Variants in ABCA5 observed in about 807,000 individuals in gnomAD.
ABCA5 encodes ATP binding cassette subfamily A member 5.
In ABCA5, 163 loss-of-function variants were observed where a neutral mutation model predicts 206.0. The ratio of observed to expected loss-of-function variants is 0.79; its 90% CI spans 0.70 to 0.90. ABCA5 has a LOEUF of 0.90. ABCA5 is among the 40% of genes least tolerant of loss of function. ABCA5 has a pLI of 0.00. For missense variants in ABCA5, 1,859 were observed against 1,912.9 expected, an observed-to-expected ratio of 0.97 and a Z score of 0.53; for synonymous variants, 609 against 613.8, an observed-to-expected ratio of 0.99 and a Z score of 0.11.
In ABCA5 at chr17:69,270,755, A is replaced by G. The variant is rs762044806; in HGVS notation, c.2893-5T>C. 3 of 1,527,416 alleles carry G rather than the reference A, an allele frequency of 2.0e-6. No individual in the cohort carries two copies. Among genetic ancestry groups the G allele is most frequent in the Admixed American group, 2.4e-5 (1 of 42,550 alleles). The allele number at this position is 1,527,416 out of a possible 1,614,324, so 94.6% of individuals were successfully genotyped here. On this transcript the variant is annotated splice_region_variant and splice_polypyrimidine_tract_variant and intron_variant, in intron 21 of 38. Coordinates refer to ENST00000392676, the MANE Select transcript of ABCA5 (RefSeq NM_172232.4). Reference sequence around the variant, plus strand: ...AACAGCTGCAAAAACATAGTCCTACAATTAAAAAAAAGACACTTATTACAT... The same window carrying G: ...AACAGCTGCAAAAACATAGTCCTACGATTAAAAAAAAGACACTTATTACAT...
At chr17:69,311,264 T>C (rs552060091) in intron 3 of ABCA5, among the ~76,000 whole-genome samples, 2 of 152,258 alleles carry the variant, frequency 1.3e-5, no homozygotes, top group South Asian at 4.2e-4. Flanking sequence ...TTAATAGATT[T>C]TCCAGGCCTT....
chr17:69,302,844 T>A lies in ABCA5; in HGVS notation c.993A>T (p.Glu331Asp). ...FKKSKHVGIV[E>D]FFVTVAFGFI... The stretch of plus-strand genomic sequence containing the variant: ...ATCCAAAAGCCACAGTAACAAAAAA[T>A]TCAACTATTCCCACATGTTTTGATT... The change falls in exon 8 of 39, where the codon GAA becomes GAT. Residue 331 changes from glutamate (E) to aspartate (D), a missense_variant. Transcript: ENST00000392676. 1 of 1,591,852 alleles carries A rather than the reference T, an allele frequency of 6.3e-7. No individual in the cohort carries two copies. Among genetic ancestry groups the A allele is most frequent in the South Asian group, 1.2e-5 (1 of 86,174 alleles).
intron 22 of ABCA5, among the ~76,000 whole-genome samples, chr17:69,269,766 A>C (rs986675887): frequency 6.6e-6 from 1 of 152,228 alleles, no homozygotes; most frequent in African/African-American, 2.4e-5. Context: ...ACGTGTTACA[A>C]AACAGATGAA....
At chr17:69,271,746 A>C (rs2075276419) in intron 20 of ABCA5, among the ~76,000 whole-genome samples, 2 of 152,166 alleles carry the variant, frequency 1.3e-5, no homozygotes, top group African/African-American at 4.8e-5. Flanking sequence ...TAAGAATAAA[A>C]ATCTATCTGA....
intron 10 of ABCA5, among the ~76,000 whole-genome samples, chr17:69,295,139 GTATT>G (rs2075572134): frequency 6.6e-6 from 1 of 152,108 alleles, no homozygotes; most frequent in Non-Finnish European, 1.5e-5. Context: ...TTATTATACT[GTATT>G]TATCAATGCC....
chr17:69,322,243 A>C (rs1322112878), intron 1 of ABCA5, among the ~76,000 whole-genome samples: 1 of 151,082 alleles, frequency 6.6e-6, no homozygotes, highest in Non-Finnish European at 1.5e-5. Flanking sequence ...GGTGGCGGGC[A>C]CCTGTAATCC....
At chr17:69,258,883 C>T (rs2075113539) in intron 28 of ABCA5, among the ~76,000 whole-genome samples, 1 of 151,790 alleles carries the variant, frequency 6.6e-6, no homozygotes, top group African/African-American at 2.4e-5. Context: ...GTAAGCAAGG[C>T]TGGATAGAAG....
intron 8 of ABCA5, among the ~76,000 whole-genome samples, chr17:69,302,342 A>G (rs765365821): frequency 1.1e-4 from 16 of 152,154 alleles, no homozygotes; most frequent in Admixed American, 6.6e-4. Flanking sequence ...TCTGCTCCAC[A>G]CACAATTTTC....
intron 17 of ABCA5, among the ~76,000 whole-genome samples, chr17:69,284,536 A>G (rs2075430332): frequency 6.6e-6 from 1 of 152,152 alleles, no homozygotes; most frequent in Non-Finnish European, 1.5e-5. Flanking sequence ...GAAAACATAC[A>G]GTAATCATTT....
At chr17:69,249,884 A>G (rs779353533) in intron 37 of ABCA5, 21 bp downstream of exon 37, 4 of 1,561,516 alleles carry the variant, frequency 2.6e-6, no homozygotes, top group Admixed American at 1.9e-5. Flanking sequence ...TTTATAAGCC[A>G]AAATAGAAGA....
intron 15 of ABCA5, among the ~76,000 whole-genome samples, chr17:69,286,753 G>A (rs1251068697): frequency 1.3e-5 from 2 of 152,170 alleles, no homozygotes; most frequent in Non-Finnish European, 2.9e-5. Flanking sequence ...TACTACTGAA[G>A]ACATGAATGA....
intron 6 of ABCA5, among the ~76,000 whole-genome samples, chr17:69,305,021 T>TA (rs1335727428): frequency 2.6e-5 from 4 of 152,174 alleles, no homozygotes; most frequent in South Asian, 2.1e-4. Flanking sequence ...TGTAATCTGA[T>TA]AAAAAATACT....
At chr17:69,286,425 A>G in intron 15 of ABCA5, 114 bp from the exon 16 acceptor site, 1 of 925,618 alleles carries the variant, frequency 1.1e-6, no homozygotes, top group Non-Finnish European at 1.6e-6. Context: ...ATCATTAATC[A>G]TCACAAAAAG....
At position 69,289,308 on chromosome 17, in the gene ABCA5, A is replaced by C. The variant is rs752113522; in HGVS notation, c.1783-12T>G. 6.6e-7 allele frequency: 1 copy of C among 1,515,504 alleles called. No homozygotes were observed. Among genetic ancestry groups the C allele is most frequent in the Non-Finnish European group, 8.8e-7 (1 of 1,138,148 alleles). 93.9% of individuals were successfully genotyped at this position (1,515,504 alleles called of 1,614,324 possible). A position where few individuals can be genotyped will look rare whatever the true frequency, so the allele number is the denominator to read the frequency against. On this transcript the variant is annotated splice_polypyrimidine_tract_variant and intron_variant, in intron 13 of 38. Coordinates refer to ENST00000392676, the MANE Select transcript of ABCA5 (RefSeq NM_172232.4). ...AAAACCTTCTGCACCTGTAAAAGTA[A>C]AGCATGAACAATGTTATTTTAAAAA...
intron 38 of ABCA5, among the ~76,000 whole-genome samples, chr17:69,247,892 T>C (rs2074969876): frequency 6.6e-6 from 1 of 152,030 alleles, no homozygotes; most frequent in Non-Finnish European, 1.5e-5. Flanking sequence ...TAATTTCAAA[T>C]ACACTAATGT....
intron 20 of ABCA5, among the ~76,000 whole-genome samples, chr17:69,273,692 G>A (rs577236315): frequency 1.4e-4 from 21 of 152,122 alleles, no homozygotes; most frequent in African/African-American, 2.9e-4. Flanking sequence ...CTGACCTCAG[G>A]TGATCCACCC....
Position 69,287,631 on chromosome 17 carries a change from C to A in ABCA5, c.2023G>T (p.Glu675Ter). 6.2e-7 allele frequency: 1 copy of A among 1,610,456 alleles called. No homozygotes were observed. The highest frequency in any genetic ancestry group is 8.5e-7 in the Non-Finnish European group (1 of 1,178,758). The change falls in exon 15 of 39, where the codon GAA (glutamate) becomes TAA (stop). Residue 675 changes from glutamate (E) to a stop codon, truncating the protein, a stop_gained. Transcript: ENST00000392676. LOFTEE classifies it high-confidence loss of function. Reference protein sequence around the residue: ...VTVFSTHFMDEADILADRKAV... With the variant: ...VTVFSTHFMD ...ATCTCACCTGCAAGAATGTCAGCTT[C>A]ATCCATGAAATGAGTACTGAACACT...
chr17:69,252,663 C>T (rs892975482), intron 34 of ABCA5, among the ~76,000 whole-genome samples: 2 of 151,936 alleles, frequency 1.3e-5, no homozygotes, highest in African/African-American at 4.8e-5. Flanking sequence ...TGGTGAAACC[C>T]TGTCTCTACC....
chr17:69,304,609 T>A, intron 7 of ABCA5, 60 bp downstream of exon 7: 1 of 1,367,836 alleles, frequency 7.3e-7, no homozygotes, highest in Non-Finnish European at 9.7e-7. Flanking sequence ...GAAAAAGACT[T>A]TGCTATGTTA....
Sources: allele counts gnomAD v4.1 joint callset (sites outside exome capture counted in the v4.1 genomes callset), GRCh38; gene constraint gnomAD v4.1.1; transcripts MANE v1.5; gene names NCBI Gene and HGNC (gene_info 2026-07-23, HGNC 2026-07-21).